NFIA: variants seen among roughly 807,000 people sequenced by gnomAD.
NFIA encodes the protein nuclear factor I A.
NFIA carries 8 observed loss-of-function variants against 62.8 expected under a neutral mutation model. That is an observed-to-expected ratio of 0.13 (90% CI 0.07 to 0.23). The LOEUF (loss-of-function observed/expected upper bound fraction) is 0.23, where lower values mean the gene tolerates loss of function less well. Ranked by LOEUF, NFIA falls within the 10% of genes least tolerant of loss-of-function variation. The pLI, the probability that NFIA is intolerant of heterozygous loss-of-function variation, is 1.00. For missense variants in NFIA, 410 were observed against 642.1 expected, an observed-to-expected ratio of 0.64 and a Z score of 3.91; for synonymous variants, 235 against 238.1, an observed-to-expected ratio of 0.99 and a Z score of 0.12.
chr1:61,113,613 AAAAGAGAAT>A (rs1646744611), intron 2 of NFIA, among the ~76,000 whole-genome samples: 1 of 151,444 alleles, frequency 6.6e-6, no homozygotes, highest in Admixed American at 6.6e-5. Flanking sequence ...AAAAAAAAAA[AAAAGAGAAT>A]ATGTTTGGTA....
intron 2 of NFIA, among the ~76,000 whole-genome samples, chr1:61,196,456 T>C (rs953161978): frequency 6.6e-6 from 1 of 152,200 alleles, no homozygotes; most frequent in Non-Finnish European, 1.5e-5. Flanking sequence ...TTTCTTTTAG[T>C]TTTCTCTGCT....
chr1:61,306,910 G>T (rs889591661), intron 3 of NFIA, among the ~76,000 whole-genome samples: 2 of 152,174 alleles, frequency 1.3e-5, no homozygotes, highest in Admixed American at 1.3e-4. Context: ...TTAGGAACCA[G>T]CCTGCTCCAG....
At chr1:61,111,227 C>T (rs1343862525) in intron 2 of NFIA, among the ~76,000 whole-genome samples, 1 of 152,038 alleles carries the variant, frequency 6.6e-6, no homozygotes, top group Non-Finnish European at 1.5e-5. Context: ...CCTGTGTGAG[C>T]AGATGGTTTT....
chr1:61,098,005 C>T (rs946873637), intron 2 of NFIA, among the ~76,000 whole-genome samples: 2 of 152,086 alleles, frequency 1.3e-5, no homozygotes, highest in African/African-American at 4.8e-5. Context: ...AGCCCTTCTT[C>T]GTGGCATTTT....
chr1:61,117,603 A>G (rs1646814078), intron 2 of NFIA, among the ~76,000 whole-genome samples: 1 of 152,110 alleles, frequency 6.6e-6, no homozygotes, highest in South Asian at 2.1e-4. Flanking sequence ...TACAGCACCT[A>G]TTTTTGTGTT....
At chr1:61,384,633 T>C (rs981985788) in intron 7 of NFIA, among the ~76,000 whole-genome samples, 2 of 152,226 alleles carry the variant, frequency 1.3e-5, no homozygotes, top group African/African-American at 4.8e-5. Context: ...TTAACACTCA[T>C]TGAGCATATA....
chr1:61,312,349 G>C (rs1660162962), intron 3 of NFIA, among the ~76,000 whole-genome samples: 2 of 152,174 alleles, frequency 1.3e-5, no homozygotes, highest in Admixed American at 1.3e-4. Flanking sequence ...TAAAAACACA[G>C]ATAACAACAT....
At chr1:61,099,642 G>A (rs895463556) in intron 2 of NFIA, among the ~76,000 whole-genome samples, 13 of 152,182 alleles carry the variant, frequency 8.5e-5, no homozygotes, top group African/African-American at 1.4e-4. Context: ...AGTAGAGATT[G>A]TAGATGACCT....
chr1:61,097,534 T>C (rs142254648), intron 2 of NFIA, among the ~76,000 whole-genome samples: 3 of 152,338 alleles, frequency 2.0e-5, no homozygotes, highest in African/African-American at 7.2e-5. Context: ...GGGGAAGATA[T>C]ATCTGTGGTG....
intron 10 of NFIA, among the ~76,000 whole-genome samples, chr1:61,453,442 ACT>A (rs1491189182): frequency 0.01 from 1,348 of 132,404 alleles, 29 homozygotes; most frequent in African/African-American, 0.036. Context: ...GTGTGAAGAA[ACT>A]TTTTTTTTTT....
intron 7 of NFIA, among the ~76,000 whole-genome samples, chr1:61,387,468 C>CT (rs33965994): frequency 0.072 from 6,830 of 95,226 alleles, 391 homozygotes; most frequent in Non-Finnish European, 0.11. Flanking sequence ...CAAGCACTTT[C>CT]TTTTTTTTTT....
At chr1:61,077,533 T>C, upstream of NFIA, 1 of 1,104,266 alleles carries the variant, frequency 9.1e-7, no homozygotes, top group South Asian at 2.9e-5. Flanking sequence ...CAAGTTTATT[T>C]AGATATTTTT....
At chr1:61,447,574 G>T (rs1461251884) in intron 10 of NFIA, among the ~76,000 whole-genome samples, 5 of 152,154 alleles carry the variant, frequency 3.3e-5, no homozygotes, top group Admixed American at 3.3e-4. Flanking sequence ...ATCCGGCAGT[G>T]CCATCATGAC....
chr1:61,146,691 G>A (rs893903352), intron 2 of NFIA, among the ~76,000 whole-genome samples: 4 of 152,124 alleles, frequency 2.6e-5, no homozygotes, highest in Non-Finnish European at 4.4e-5. Context: ...TTGTAATTGT[G>A]TGGATTTACT....
At chr1:61,262,334 A>G (rs996786842) in intron 2 of NFIA, among the ~76,000 whole-genome samples, 10 of 152,166 alleles carry the variant, frequency 6.6e-5, no homozygotes, top group Non-Finnish European at 1.2e-4. Context: ...GTTTTGAATA[A>G]TTTATTTCTG....
chr1:61,331,629 G>T (rs1378365277), intron 3 of NFIA, among the ~76,000 whole-genome samples: 1 of 152,098 alleles, frequency 6.6e-6, no homozygotes, highest in African/African-American at 2.4e-5. Flanking sequence ...GCTGACCTTG[G>T]AGTGATCTCT....
At position 61,243,007 on chromosome 1, in the gene NFIA, CCTT is replaced by C. The variant is rs373880168; in HGVS notation, c.560-34512_560-34510del. ...TAGTCAAGAAATGTGACTTTTCGGT[CCTT>C]TTTTTAATGATTTTCTCCTGCCATT... On this transcript the variant is annotated intron_variant, in intron 2 of 10. Coordinates refer to ENST00000403491, the MANE Select transcript of NFIA (RefSeq NM_001134673.4). Among the ~76,000 whole-genome samples the C allele has an allele frequency of 3.1e-3, 478 of 151,892 alleles. 2 individuals are homozygous for C. The highest frequency in any genetic ancestry group is 0.011 in the African/African-American group (446 of 41,424).
chr1:61,434,390 A>G (rs190215484), intron 10 of NFIA, among the ~76,000 whole-genome samples: 20 of 152,186 alleles, frequency 1.3e-4, no homozygotes, highest in African/African-American at 4.8e-4. Flanking sequence ...CAGCTTCCCC[A>G]GCTCCCACAC....
At chr1:61,264,768 C>G (rs543143190) in intron 2 of NFIA, among the ~76,000 whole-genome samples, 106 of 148,622 alleles carry the variant, frequency 7.1e-4, no homozygotes, top group Admixed American at 2.6e-3. Context: ...GGGATTATTA[C>G]TAAGCAAATT....
Sources: gnomAD v4.1 joint callset for allele counts (sites outside exome capture counted in the v4.1 genomes callset) on GRCh38, gnomAD v4.1.1 for gene constraint, MANE v1.5 for transcripts, NCBI Gene and HGNC (gene_info 2026-07-23, HGNC 2026-07-21) for gene names.